MYCBP: variants seen among roughly 807,000 people sequenced by gnomAD.
MYCBP encodes the protein C-Myc-binding protein.
Under a neutral mutation model 16.8 loss-of-function variants are expected in MYCBP, and 5 were observed. That is an observed-to-expected ratio of 0.30 (90% CI 0.16 to 0.63). The LOEUF (loss-of-function observed/expected upper bound fraction) is 0.63. Ranked by LOEUF, MYCBP falls within the 20% of genes least tolerant of loss-of-function variation. The probability of loss-of-function intolerance (pLI) is 0.83; values close to 1 mark genes in which losing one functional copy is unlikely to be tolerated. For missense variants in MYCBP, 103 were observed against 121.8 expected (o/e 0.85, Z 0.73); for synonymous variants, 35 against 43.7 (o/e 0.80, Z 0.79).
rs542358072 is a variant in MYCBP at position 38,864,581 on chromosome 1, T to A, written c.*89A>T. 1.5e-5 allele frequency: 19 copies of A among 1,294,150 alleles called. No individual in the cohort carries two copies. In the East Asian group the frequency reaches 4.0e-4, roughly 27 times the overall value. The allele number at this position is 1,294,150 out of a possible 1,614,324, so 80.2% of individuals were successfully genotyped here. On this transcript the variant is annotated 3_prime_UTR_variant, in exon 5 of 5. Coordinates refer to ENST00000397572, the MANE Select transcript of MYCBP (RefSeq NM_012333.5). Reference sequence around the variant, plus strand: ...AATTAAACATATTAAAAGAGTTCTATAGCATCTGTTCAGAAAAGATTATAT... The same window carrying A: ...AATTAAACATATTAAAAGAGTTCTAAAGCATCTGTTCAGAAAAGATTATAT...
At chr1:38,870,169 CAAAAAA>C (rs1221257996) in intron 2 of MYCBP, among the ~76,000 whole-genome samples, 10 of 77,188 alleles carry the variant, frequency 1.3e-4, no homozygotes, top group Admixed American at 3.3e-4. Context: ...GACTCCGTCT[CAAAAAA>C]AAAAAAAAAA....
At chr1:38,871,427 CTTTTTTTT>C (rs71573793) in intron 2 of MYCBP, among the ~76,000 whole-genome samples, 3 of 110,606 alleles carry the variant, frequency 2.7e-5, no homozygotes, top group Non-Finnish European at 5.4e-5. Context: ...CCACCTGTCA[CTTTTTTTT>C]TTTTTTTTTT....
intron 2 of MYCBP, chr1:38,872,751 G>A: frequency 2.0e-6 from 1 of 506,626 alleles, no homozygotes; most frequent in Non-Finnish European, 3.5e-6. Flanking sequence ...TGCGGCTGCT[G>A]GAGGCAAAGC....
At chr1:38,864,753 T>G in intron 4 of MYCBP, 39 bp from the exon 5 acceptor site, 3 of 1,592,016 alleles carry the variant, frequency 1.9e-6, no homozygotes, top group Non-Finnish European at 2.6e-6. Flanking sequence ...TGAATTTTAT[T>G]CTAAATTGAG....
chr1:38,869,373 C>T (rs1642413610), intron 2 of MYCBP, among the ~76,000 whole-genome samples: 1 of 152,116 alleles, frequency 6.6e-6, no homozygotes, highest in Non-Finnish European at 1.5e-5. Context: ...CAGGTGTGAG[C>T]CACCACACCT....
chr1:38,867,561 C>T lies in MYCBP; in HGVS notation c.137+1G>A, dbSNP rs1642367594. On this transcript the variant is annotated splice_donor_variant, in intron 3 of 4. Transcript: ENST00000397572. LOFTEE classifies it high-confidence loss of function. ...AGCCTTTTTCTGACTTGAAAGGATA[C>T]TCCAAAGCACTGTTAGGTTTCTCTG... 6.2e-7 allele frequency: 1 copy of T among 1,612,580 alleles called. No homozygotes were observed. Among genetic ancestry groups the T allele is most frequent in the South Asian group, 1.1e-5 (1 of 90,978 alleles).
At chr1:38,871,018 T>A (rs912957188) in intron 2 of MYCBP, among the ~76,000 whole-genome samples, 1 of 152,016 alleles carries the variant, frequency 6.6e-6, no homozygotes, top group Non-Finnish European at 1.5e-5. Flanking sequence ...GGTGAGCGGA[T>A]CACCTGAGGT....
At chr1:38,867,333 C>T (rs1269453424) in intron 3 of MYCBP, among the ~76,000 whole-genome samples, 1 of 151,754 alleles carries the variant, frequency 6.6e-6, no homozygotes, top group Admixed American at 6.6e-5. Context: ...GTAATCCCAG[C>T]TACTTGGGAG....
At position 38,864,848 on chromosome 1, in the gene MYCBP, C is replaced by A. The variant is rs180948348; in HGVS notation, c.268-134G>T. The A allele has an allele frequency of 5.5e-4, 409 of 743,120 alleles. 2 individuals carry two copies. In the East Asian group the frequency reaches 9.1e-3, roughly 17 times the overall value. The allele number at this position is 743,120 out of a possible 1,614,324, so 46.0% of individuals were successfully genotyped here. A position where few individuals can be genotyped will look rare whatever the true frequency, so the allele number is the denominator to read the frequency against. On this transcript the variant is annotated intron_variant, in intron 4 of 4. Coordinates refer to ENST00000397572, the MANE Select transcript of MYCBP (RefSeq NM_012333.5). ...ATTAATATCAGTTTCTATAACTATCCATTTTAAATCATTCAGTGATTTAAG... is the reference window on the plus strand; with the variant it reads ...ATTAATATCAGTTTCTATAACTATCAATTTTAAATCATTCAGTGATTTAAG...
chr1:38,872,079 G>A (rs1295265293), intron 2 of MYCBP, among the ~76,000 whole-genome samples: 2 of 152,134 alleles, frequency 1.3e-5, no homozygotes, highest in Non-Finnish European at 2.9e-5. Context: ...AAAATTACTA[G>A]CCTTCTTTCT....
At chr1:38,867,045 G>A in intron 3 of MYCBP, 36 bp from the exon 4 acceptor site, 1 of 1,571,612 alleles carries the variant, frequency 6.4e-7, no homozygotes, top group Admixed American at 1.7e-5. Context: ...TCTTAGACAT[G>A]AATGAAACTA....
chr1:38,866,308 A>G (rs1015702520), intron 4 of MYCBP, among the ~76,000 whole-genome samples: 15 of 151,876 alleles, frequency 9.9e-5, no homozygotes, highest in African/African-American at 3.6e-4. Flanking sequence ...TCAGCCTCCC[A>G]AAGTGCTGGG....
At chr1:38,872,981 C>T (rs1303986745) in intron 2 of MYCBP, 37 bp downstream of exon 2, 2 of 1,550,002 alleles carry the variant, frequency 1.3e-6, no homozygotes, top group South Asian at 2.4e-5. Context: ...GGGAGCACGA[C>T]GAGGGCACGA....
In MYCBP at chr1:38,864,683, T is replaced by G. The variant is rs749614223; in HGVS notation, c.299A>C (p.Lys100Thr). Residue 100 changes from lysine to threonine, a missense_variant, in exon 5 of 5, where the codon AAG becomes ACG. Physicochemically the swap from Lys to Thr is moderately conservative, Grantham distance 78. Coordinates refer to ENST00000397572, the MANE Select transcript of MYCBP (RefSeq NM_012333.5). ...LAQYEPPQEE[K>T]RAE ...CTGAGAAGAATCCTATTCAGCACGC[T>G]TCTCCTCCTGAGGTGGTTCATACTG... is the stretch of plus-strand genomic sequence containing the variant. 4 of 1,613,932 alleles carry G rather than the reference T, an allele frequency of 2.5e-6. No individual in the cohort carries two copies. The highest frequency in any genetic ancestry group is 3.4e-6 in the Non-Finnish European group (4 of 1,179,878).
Position 38,864,314 on chromosome 1 carries a change from G to C in MYCBP, c.*356C>G. 3.4e-6 allele frequency: 1 copy of C among 292,652 alleles called. No homozygotes were observed. The highest frequency in any genetic ancestry group is 3.6e-5 in the South Asian group (1 of 27,912). 18.1% of individuals were successfully genotyped at this position (292,652 alleles called of 1,614,324 possible). A position where few individuals can be genotyped will look rare whatever the true frequency, so the allele number is the denominator to read the frequency against. On this transcript the variant is annotated 3_prime_UTR_variant, in exon 5 of 5. Coordinates refer to ENST00000397572, the MANE Select transcript of MYCBP (RefSeq NM_012333.5). ...ACCTTCAAAGAATGACTGTACCTGT[G>C]TTCATATCCTGAACTGCACCAAGGA...
Position 38,865,628 on chromosome 1 carries a change from C to A in MYCBP, c.268-914G>T, listed in dbSNP as rs115737735. 6.0e-3 allele frequency among the ~76,000 whole-genome samples: 914 copies of A among 152,122 alleles called. 4 individuals are homozygous for A. Among genetic ancestry groups the A allele is most frequent in the Non-Finnish European group, 0.01 (686 of 67,990 alleles). ...ACCAGCCAGGGCAACATAATGGGACCCCATTTCTACAAAAAGTTTAAAAAT... is the reference window on the plus strand; with the variant it reads ...ACCAGCCAGGGCAACATAATGGGACACCATTTCTACAAAAAGTTTAAAAAT... On this transcript the variant is annotated intron_variant, in intron 4 of 4. Coordinates refer to ENST00000397572, the MANE Select transcript of MYCBP (RefSeq NM_012333.5).
rs140007558 is a variant in MYCBP at position 38,866,576 on chromosome 1, C to T, written c.267+304G>A. Among the ~76,000 whole-genome samples the T allele has an allele frequency of 6.5e-3, 994 of 152,140 alleles. 45 individuals are homozygous for T. The highest frequency in any genetic ancestry group is 0.058 in the Admixed American group (888 of 15,274). Reference sequence around the variant, plus strand: ...GGATTATGGGCACATGCCACCATGCCCGGCTAATTTTTGTATTCTTAGTAG... The same window carrying T: ...GGATTATGGGCACATGCCACCATGCTCGGCTAATTTTTGTATTCTTAGTAG... On this transcript the variant is annotated intron_variant, in intron 4 of 4. Transcript: ENST00000397572.
chr1:38,864,848 C>T (rs180948348), intron 4 of MYCBP, 134 bp from the exon 5 acceptor site: 1 of 743,002 alleles, frequency 1.3e-6, no homozygotes, highest in African/African-American at 1.8e-5. Context: ...TATAACTATC[C>T]ATTTTAAATC....
upstream of MYCBP, chr1:38,873,375 G>A: frequency 6.4e-7 from 1 of 1,557,022 alleles, no homozygotes; most frequent in Non-Finnish European, 8.6e-7. Flanking sequence ...CACTGCTCAT[G>A]CGCGGAAGGG....
Sources: gnomAD v4.1 joint callset for allele counts (sites outside exome capture counted in the v4.1 genomes callset) on GRCh38, gnomAD v4.1.1 for gene constraint, MANE v1.5 for transcripts, NCBI Gene and HGNC (gene_info 2026-07-23, HGNC 2026-07-21) for gene names.